Variants in OTOA observed in about 807,000 individuals in gnomAD.
OTOA encodes the protein otoancorin, also known as cancer/testis antigen 108.
Under a neutral mutation model 110.8 loss-of-function variants are expected in OTOA, and 70 were observed. The ratio of observed to expected loss-of-function variants is 0.63; its 90% CI spans 0.52 to 0.77. The LOEUF is 0.77. OTOA is among the 30% of genes least tolerant of loss of function. OTOA has a pLI of 0.00. For synonymous variants in OTOA, 373 were observed against 431.5 expected (o/e 0.86, Z 1.68); for missense variants, 917 against 1,075.8 (o/e 0.85, Z 2.06).
intron 8 of OTOA, among the ~76,000 whole-genome samples, chr16:21,689,257 T>C: frequency 6.6e-6 from 1 of 152,190 alleles, no homozygotes; most frequent in Admixed American, 6.5e-5. Flanking sequence ...CCTTTTATCT[T>C]TTGTAGCCAA....
intron 21 of OTOA, among the ~76,000 whole-genome samples, chr16:21,731,215 C>T (rs1401551948): frequency 2.6e-5 from 4 of 152,226 alleles, no homozygotes; most frequent in Admixed American, 2.0e-4. Flanking sequence ...GCATCTCACA[C>T]GCACGTCTGT....
intron 22 of OTOA, among the ~76,000 whole-genome samples, chr16:21,736,710 A>G (rs1383993365): frequency 1.3e-5 from 2 of 152,062 alleles, no homozygotes; most frequent in African/African-American, 4.8e-5. Flanking sequence ...GCATACCTGT[A>G]GTCTCAGCTA....
intron 17 of OTOA, 46 bp from the exon 18 acceptor site, chr16:21,722,859 T>C: frequency 6.4e-7 from 1 of 1,551,184 alleles, no homozygotes; most frequent in Non-Finnish European, 8.9e-7. Context: ...CTGTGTTTGT[T>C]CTTCTTCTTA....
At chr16:21,710,550 A>G (rs1898324805) in intron 13 of OTOA, among the ~76,000 whole-genome samples, 1 of 152,230 alleles carries the variant, frequency 6.6e-6, no homozygotes, top group African/African-American at 2.4e-5. Context: ...ACAATCAGTT[A>G]TACACACACA....
intron 1 of OTOA, among the ~76,000 whole-genome samples, chr16:21,676,235 A>C (rs186884203): frequency 3.3e-5 from 5 of 152,052 alleles, no homozygotes; most frequent in African/African-American, 9.6e-5. Context: ...ATAATTTTTG[A>C]TTAGATCTGG....
chr16:21,672,996 G>T (rs1332498587), intron 1 of OTOA, among the ~76,000 whole-genome samples: 7 of 151,956 alleles, frequency 4.6e-5, no homozygotes, highest in Non-Finnish European at 1.0e-4. Flanking sequence ...AGAACTAAAA[G>T]AATTAGCTGG....
chr16:21,669,385 G>A (rs906853623), intron 1 of OTOA, among the ~76,000 whole-genome samples: 1 of 151,534 alleles, frequency 6.6e-6, no homozygotes, highest in Non-Finnish European at 1.5e-5. Flanking sequence ...AAACAAAAAA[G>A]CAAACACAAA....
At chr16:21,682,553 A>G (rs527810183) in intron 6 of OTOA, among the ~76,000 whole-genome samples, 1 of 152,338 alleles carries the variant, frequency 6.6e-6, no homozygotes, top group East Asian at 1.9e-4. Flanking sequence ...GTGGCAAAGG[A>G]TATTTGCCTT....
At chr16:21,671,614 A>C (rs1292765085) in intron 1 of OTOA, among the ~76,000 whole-genome samples, 1 of 147,794 alleles carries the variant, frequency 6.8e-6, no homozygotes, top group Non-Finnish European at 1.5e-5. Context: ...AAAAGAAAAA[A>C]GAAAAAAAAA....
At chr16:21,704,967 A>G (rs1898127783) in intron 11 of OTOA, 1 of 846,884 alleles carries the variant, frequency 1.2e-6, no homozygotes. Context: ...TTCAGCCCCC[A>G]TTCCTTGGTC....
In OTOA at chr16:21,695,891, A is replaced by ATATATTT. The variant is rs569493650; in HGVS notation, c.740-1883_740-1882insATATTTT. Among the ~76,000 whole-genome samples, 24 of 41,900 alleles carry ATATATTT rather than the reference A, an allele frequency of 5.7e-4. 1 individual carries two copies. Among genetic ancestry groups the ATATATTT allele is most frequent in the Admixed American group, 7.4e-4 (2 of 2,700 alleles). 27.5% of individuals were successfully genotyped at this position (41,900 alleles called of 152,430 possible). On this transcript the variant is annotated intron_variant, in intron 9 of 28. Transcript: ENST00000646100. ...GATATATATATATATATATATATATATTTTTTTTTTTTTTTTTTTCTGAGA... is the reference window on the plus strand; with the variant it reads ...GATATATATATATATATATATATATATATATTTTTTTTTTTTTTTTTTTTTTCTGAGA...
chr16:21,727,364 G>GT (rs1251373638), intron 19 of OTOA, among the ~76,000 whole-genome samples: 2 of 152,082 alleles, frequency 1.3e-5, no homozygotes, highest in Non-Finnish European at 2.9e-5. Flanking sequence ...ATTATTTAAT[G>GT]TAAAGGCTCA....
In OTOA at chr16:21,710,048, G is replaced by A. The variant is rs200689333; in HGVS notation, c.1265G>A (p.Gly422Asp). 4 of 1,613,950 alleles carry A rather than the reference G, an allele frequency of 2.5e-6. No individual in the cohort carries two copies. The highest frequency in any genetic ancestry group is 3.4e-6 in the Non-Finnish European group (4 of 1,179,990). Residue 422 changes from glycine to aspartate, a missense_variant, in exon 13 of 29, where the codon GGT (glycine) becomes GAT (aspartate). Physicochemically the swap from Gly to Asp is moderately conservative, Grantham distance 94. Around this residue, in one of 6 missense-constraint regions of OTOA, gnomAD observed 840 missense variants for 910.2 expected, o/e 0.92. Coordinates refer to ENST00000646100, the MANE Select transcript of OTOA (RefSeq NM_144672.4). The part of the protein sequence containing the change: ...GAISTLNQVS[G>D]WAKSQVIILS... ...ATCTCCACCCTCAACCAGGTCTCAG[G>A]TTGGGCCAAGAGCCAGGTCATCATC... is the stretch of plus-strand genomic sequence containing the variant.
At chr16:21,678,481 G>T (rs1213441528) in intron 1 of OTOA, 30 bp from the exon 2 acceptor site, 6 of 1,463,578 alleles carry the variant, frequency 4.1e-6, no homozygotes, top group Non-Finnish European at 5.7e-6. Context: ...AAAAAAACAT[G>T]AATCACTTCT....
Position 21,743,085 on chromosome 16 carries a change from AAT to A in OTOA, c.2620-1795_2620-1794del, listed in dbSNP as rs1463488251. Among the ~76,000 whole-genome samples, 3 of 88,504 alleles carry A rather than the reference AAT, an allele frequency of 3.4e-5. No individual in the cohort carries two copies. The East Asian group carries it at 1.0e-3, about 30-fold the overall frequency. 58.1% of individuals were successfully genotyped at this position (88,504 alleles called of 152,430 possible). A position where few individuals can be genotyped will look rare whatever the true frequency, so the allele number is the denominator to read the frequency against. On this transcript the variant is annotated intron_variant, in intron 23 of 28. Coordinates refer to ENST00000646100, the MANE Select transcript of OTOA (RefSeq NM_144672.4). Reference sequence around the variant, plus strand: ...CCTCAGGTAGAATGTATTTAGAAAAAATGATCCAAATAACAATATAACAATAA... The same window carrying A: ...CCTCAGGTAGAATGTATTTAGAAAAAGATCCAAATAACAATATAACAATAA...
At chr16:21,687,734 C>T in intron 8 of OTOA, 86 bp downstream of exon 8, 1 of 1,152,124 alleles carries the variant, frequency 8.7e-7, no homozygotes, top group East Asian at 2.6e-5. Context: ...GTGGTGCAGT[C>T]TCGGCTCACT....
intron 10 of OTOA, 48 bp from the exon 11 acceptor site, chr16:21,700,840 C>T (rs766822708): frequency 2.5e-6 from 4 of 1,612,356 alleles, no homozygotes; most frequent in Non-Finnish European, 3.4e-6. Context: ...CCACACTGGG[C>T]CACTTCCACC....
chr16:21,722,842 G>C, intron 17 of OTOA, 63 bp from the exon 18 acceptor site: 1 of 1,446,192 alleles, frequency 6.9e-7, no homozygotes, highest in Non-Finnish European at 9.7e-7. Flanking sequence ...CTGGCACATG[G>C]AAAGCACTGT....
At chr16:21,722,566 A>G (rs943824725) in intron 17 of OTOA, among the ~76,000 whole-genome samples, 17 of 152,032 alleles carry the variant, frequency 1.1e-4, no homozygotes, top group African/African-American at 4.1e-4. Context: ...AATCTACCTT[A>G]TTAAAACAAA....
Sources: gnomAD v4.1 joint callset for allele counts (sites outside exome capture counted in the v4.1 genomes callset) on GRCh38, gnomAD v4.1.1 for gene constraint, gnomAD v4.1.1 regional missense constraint, MANE v1.5 for transcripts, NCBI Gene and HGNC (gene_info 2026-07-23, HGNC 2026-07-21) for gene names.